NSMF: variants seen among roughly 807,000 people sequenced by gnomAD.
NSMF encodes the protein nasal embryonic LHRH factor.
In NSMF, 31 loss-of-function variants were observed where a neutral mutation model predicts 71.0. That is an observed-to-expected ratio of 0.44 (90% CI 0.33 to 0.59). The LOEUF (loss-of-function observed/expected upper bound fraction) is 0.59. NSMF is among the 20% of genes least tolerant of loss of function. The pLI is 0.04. For synonymous variants in NSMF, 345 were observed against 287.1 expected, an observed-to-expected ratio of 1.20 and a Z score of -2.04; for missense variants, 673 against 740.5, an observed-to-expected ratio of 0.91 and a Z score of 1.06.
Position 137,454,775 on chromosome 9 carries a change from G to T in NSMF, c.780-332C>A. ...TGAGCCTCCACGCCCATGTGGCAGAGGATCCAGCCTGCCTGCGCTGCAGCA... is the reference window on the plus strand; with the variant it reads ...TGAGCCTCCACGCCCATGTGGCAGATGATCCAGCCTGCCTGCGCTGCAGCA... On this transcript the variant is annotated intron_variant, in intron 6 of 15. Coordinates refer to ENST00000371475, the MANE Select transcript of NSMF (RefSeq NM_001130969.3). The T allele has an allele frequency of 4.3e-6, 6 of 1,410,808 alleles. No homozygotes were observed. In the South Asian group the frequency reaches 8.0e-5, roughly 19 times the overall value. 87.4% of individuals were successfully genotyped at this position (1,410,808 alleles called of 1,614,324 possible).
At chr9:137,450,354 C>T in intron 12 of NSMF, 99 bp from the exon 13 acceptor site, 1 of 936,102 alleles carries the variant, frequency 1.1e-6, no homozygotes, top group Admixed American at 1.7e-5. Flanking sequence ...TGGTCTTCAT[C>T]CCCCGGCCAC....
Position 137,458,332 on chromosome 9 carries a change from G to C in NSMF, c.133+156C>G, listed in dbSNP as rs542253143. On this transcript the variant is annotated intron_variant, in intron 2 of 15. Coordinates refer to ENST00000371475, the MANE Select transcript of NSMF (RefSeq NM_001130969.3). The stretch of plus-strand genomic sequence containing the variant: ...CGGCTGGGAACTGCTCCTGGGGCTC[G>C]GGCAGGGAGGGCAGGGGATGTAAGG... 3.9e-5 allele frequency among the ~76,000 whole-genome samples: 6 copies of C among 152,280 alleles called. No homozygotes were observed. The East Asian group carries it at 1.2e-3, about 29-fold the overall frequency.
chr9:137,450,136 C>T (rs1830401175), intron 13 of NSMF, 40 bp downstream of exon 13: 2 of 1,594,098 alleles, frequency 1.3e-6, no homozygotes, highest in African/African-American at 2.7e-5. Flanking sequence ...CTGGACTCTG[C>T]CTCCAGCCCT....
chr9:137,452,725 G>T lies in NSMF; in HGVS notation c.1131+11C>A, dbSNP rs1431356162. The stretch of plus-strand genomic sequence containing the variant: ...GGCATCTGTTGGGGGCAGGCCCGGG[G>T]CGGGACTCACGTAGAGGATGGGGAT... On this transcript the variant is annotated intron_variant, in intron 10 of 15. Transcript: ENST00000371475. The T allele has an allele frequency of 6.2e-7, 1 of 1,604,966 alleles. No homozygotes were observed. The highest frequency in any genetic ancestry group is 1.3e-5 in the African/African-American group (1 of 74,984).
intron 6 of NSMF, 140 bp from the exon 7 acceptor site, chr9:137,454,583 C>A (rs1482229593): frequency 1.3e-6 from 2 of 1,547,134 alleles, no homozygotes; most frequent in Admixed American, 2.0e-5. Flanking sequence ...CCTGGCACCA[C>A]CTCCCACCCA....
chr9:137,458,588 C>T (rs375556859), intron 1 of NSMF, 39 bp from the exon 2 acceptor site: 11 of 1,554,334 alleles, frequency 7.1e-6, no homozygotes, highest in African/African-American at 1.4e-5. Context: ...GGCCACGGCA[C>T]GACCCTCCCA....
Position 137,455,677 on chromosome 9 carries a change from A to C in NSMF, c.705-43T>G, listed in dbSNP as rs776476121. On this transcript the variant is annotated intron_variant, in intron 4 of 15. Transcript: ENST00000371475. Reference sequence around the variant, plus strand: ...AGGGATGGCGTGAGAGAGAAGACACAGTGAGCTCAACCCCGGGCCTCCCCT... The same window carrying C: ...AGGGATGGCGTGAGAGAGAAGACACCGTGAGCTCAACCCCGGGCCTCCCCT... 1.7e-5 allele frequency: 26 copies of C among 1,550,066 alleles called. No individual in the cohort carries two copies. In the East Asian group the frequency reaches 2.2e-4, roughly 13 times the overall value.
chr9:137,457,330 A>C, intron 3 of NSMF, 77 bp downstream of exon 3: 2 of 1,591,646 alleles, frequency 1.3e-6, no homozygotes, highest in Non-Finnish European at 1.7e-6. Flanking sequence ...TCCAAGCCTC[A>C]CAGTGGCTGC....
At chr9:137,455,498 G>A in intron 5 of NSMF, 131 bp downstream of exon 5, 2 of 1,237,460 alleles carry the variant, frequency 1.6e-6, no homozygotes, top group East Asian at 2.5e-5. Flanking sequence ...TGCCCGCTGG[G>A]AGCCAGGCCC....
In NSMF at chr9:137,457,796, T is replaced by G; in HGVS notation, c.239A>C (p.Glu80Ala). 6.4e-7 allele frequency: 1 copy of G among 1,558,342 alleles called. No homozygotes were observed. Among genetic ancestry groups the G allele is most frequent in the Non-Finnish European group, 8.7e-7 (1 of 1,151,250 alleles). Residue 80 changes from glutamate (E) to alanine (A), a missense_variant, in exon 3 of 16, where the codon GAG becomes GCG. By Grantham distance (107) the Glu-to-Ala change is moderately radical. Around this residue, in one of 2 missense-constraint regions of NSMF, gnomAD observed 471 missense variants for 459.6 expected, o/e 1.02. Coordinates refer to ENST00000371475, the MANE Select transcript of NSMF (RefSeq NM_001130969.3). ...RLSLVSNGCY[E>A]GSLSEEPSIR... ...GCTGGGCTCCTCTGAGAGGCTGCCC[T>G]CGTAGCAGCCGTTGGAGACGAGGGA...
In NSMF at chr9:137,453,711, G is replaced by A. The variant is rs1286895159; in HGVS notation, c.922+20C>T. 1 of 1,583,938 alleles carries A rather than the reference G, an allele frequency of 6.3e-7. No homozygotes were observed. The highest frequency in any genetic ancestry group is 8.6e-7 in the Non-Finnish European group (1 of 1,166,620). On this transcript the variant is annotated intron_variant, in intron 8 of 15. Coordinates refer to ENST00000371475, the MANE Select transcript of NSMF (RefSeq NM_001130969.3). This position sits in a 1 kb window ranked among gnomAD's most constrained non-coding sequence, Gnocchi z 4.5. Reference sequence around the variant, plus strand: ...GGGGAGGCTCTGGGGAAGGTGGGCGGGCCTGTGCGGGGCACCTACTGTCTC... The same window carrying A: ...GGGGAGGCTCTGGGGAAGGTGGGCGAGCCTGTGCGGGGCACCTACTGTCTC...
In NSMF at chr9:137,449,424, CG is replaced by C; in HGVS notation, c.1562del (p.Ser521Ter). The C allele has an allele frequency of 6.2e-7, 1 of 1,612,914 alleles. No individual in the cohort carries two copies. The highest frequency in any genetic ancestry group is 8.5e-7 in the Non-Finnish European group (1 of 1,179,922). Reference protein sequence around the residue: ...LYRLWKSRQHSKLLDFDDVL With the variant: ...LYRLWKSRQHXKLLDFDDVL ...GGACGTCGTCAAAGTCCAGCAGCTT[CG>C]AGTGCTGGCGGCTCTTCCACAGGCG... On this transcript the variant is annotated frameshift_variant, in exon 16 of 16. Transcript: ENST00000371475. LOFTEE classifies it high-confidence loss of function.
At chr9:137,456,960 G>A (rs1268738465) in intron 3 of NSMF, among the ~76,000 whole-genome samples, 1 of 152,082 alleles carries the variant, frequency 6.6e-6, no homozygotes, top group Non-Finnish European at 1.5e-5. Flanking sequence ...TGGGGACAGT[G>A]GAGTGACTTT....
chr9:137,448,904 G>C lies in NSMF; in HGVS notation c.*490C>G, dbSNP rs1158574531. The C allele has an allele frequency of 7.9e-6, 2 of 253,008 alleles. No homozygotes were observed. Among genetic ancestry groups the C allele is most frequent in the South Asian group, 4.4e-5 (1 of 22,578 alleles). 15.7% of individuals were successfully genotyped at this position (253,008 alleles called of 1,614,324 possible). A position where few individuals can be genotyped will look rare whatever the true frequency, so the allele number is the denominator to read the frequency against. On this transcript the variant is annotated 3_prime_UTR_variant, in exon 16 of 16. Coordinates refer to ENST00000371475, the MANE Select transcript of NSMF (RefSeq NM_001130969.3). This position sits in a 1 kb window ranked among gnomAD's most constrained non-coding sequence, Gnocchi z 5.3. ...TGGCCCCACGCACACGGGCCACCCT[G>C]GTGCTGGTGATCGATACGGCAGGGA...
Position 137,457,755 on chromosome 9 carries a change from C to T in NSMF, c.280G>A (p.Gly94Ser), listed in dbSNP as rs199887535. The T allele has an allele frequency of 1.3e-3, 1,960 of 1,559,388 alleles. 29 individuals carry two copies. The highest frequency in any genetic ancestry group is 1.2e-4 in the Non-Finnish European group (142 of 1,151,860). Residue 94 changes from glycine to serine, a missense_variant, in exon 3 of 16, where the codon GGC becomes AGC. Physicochemically the swap from Gly to Ser is moderately conservative, Grantham distance 56. Transcript: ENST00000371475. Reference sequence around the variant, plus strand: ...TACACTCGAGGCTGAGGGCCCTCGCCTGCGGGCTTCCTAATGCTGGGCTCC... The same window carrying T: ...TACACTCGAGGCTGAGGGCCCTCGCTTGCGGGCTTCCTAATGCTGGGCTCC... ...SEEPSIRKPA[G>S]EGPQPRVYTI... is the part of the protein sequence containing the mutation.
In NSMF at chr9:137,449,601, T is replaced by A. The variant is rs373616272; in HGVS notation, c.1493A>T (p.Gln498Leu). 3.5e-5 allele frequency: 56 copies of A among 1,612,284 alleles called. No individual in the cohort carries two copies. In the African/African-American group the frequency reaches 6.5e-4, roughly 19 times the overall value. ...TCGGCCCAGCCTGGGTAACTCACCT[T>A]GGGCTGAGAGCTCCAGGGGTGACTC... Reference protein sequence around the residue: ...TFESPLELSAQGKQMIETYFD... With the variant: ...TFESPLELSALGKQMIETYFD... Residue 498 changes from glutamine to leucine, a missense_variant and splice_region_variant, in exon 15 of 16, where the codon CAA (glutamine) becomes CTA (leucine). Coordinates refer to ENST00000371475, the MANE Select transcript of NSMF (RefSeq NM_001130969.3).
intron 1 of NSMF, 99 bp downstream of exon 1, chr9:137,458,933 G>A (rs1045363657): frequency 3.0e-6 from 3 of 985,572 alleles, no homozygotes; most frequent in Admixed American, 4.0e-5. Flanking sequence ...GGCAGAGGCC[G>A]GGGCCCGGGA....
chr9:137,456,196 C>CTG (rs201928724), intron 4 of NSMF, among the ~76,000 whole-genome samples: 20 of 140,738 alleles, frequency 1.4e-4, no homozygotes, highest in African/African-American at 4.0e-4. Context: ...GGTCCCCTGA[C>CTG]TGTGTGTGTG....
Position 137,457,645 on chromosome 9 carries a change from C to A in NSMF, c.390G>T (p.Arg130=). 1.3e-6 allele frequency: 2 copies of A among 1,548,952 alleles called. No individual in the cohort carries two copies. ...ELAVVKGRRQ[R]HPHHHSQPLR... is the part of the protein sequence containing the mutation. ...GGGGCTGGCTGTGATGGTGAGGGTG[C>A]CGCTGCCGCCGCCCCTTCACCACCG... The change falls in exon 3 of 16, where the codon CGG becomes CGT. Residue 130 remains arginine, a synonymous_variant. Transcript: ENST00000371475.
Sources: gnomAD v4.1 joint callset for allele counts (sites outside exome capture counted in the v4.1 genomes callset) on GRCh38, gnomAD v4.1.1 for gene constraint, gnomAD v4.1.1 regional missense constraint, Gnocchi (gnomAD v3.1) non-coding constraint, MANE v1.5 for transcripts, NCBI Gene and HGNC (gene_info 2026-07-23, HGNC 2026-07-21) for gene names.